The following IAH1 variants were observed in gnomAD, a reference collection of about 807,000 sequenced individuals.
IAH1 encodes the protein isoamyl acetate-hydrolyzing esterase 1 homolog.
Under a neutral mutation model 26.7 loss-of-function variants are expected in IAH1, and 24 were observed. The ratio of observed to expected loss-of-function variants is 0.90; its 90% CI spans 0.65 to 1.26. IAH1 has a LOEUF of 1.26. Among genes scored for constraint, IAH1 ranks in the 50% most tolerant of loss-of-function variants. The pLI is 0.00. For missense variants in IAH1, 300 were observed against 299.9 expected (o/e 1.00, Z 0.00); for synonymous variants, 140 against 118.5 (o/e 1.18, Z -1.18).
At position 9,476,056 on chromosome 2, in the gene IAH1, A is replaced by G. The variant is rs1350353657; in HGVS notation, c.134+17A>G. On this transcript the variant is annotated intron_variant, in intron 2 of 5. Transcript: ENST00000497473. ...GCTGGTCAGGTGAGAATGGTTTCCG[A>G]TACTTGAGTTCTTATGGATGGAAAA... The G allele has an allele frequency of 1.2e-6, 2 of 1,605,396 alleles. No individual in the cohort carries two copies. The highest frequency in any genetic ancestry group is 1.7e-6 in the Non-Finnish European group (2 of 1,172,722).
the IAH1 span, among the ~76,000 whole-genome samples, chr2:9,503,349 T>C: frequency 1.3e-5 from 2 of 152,086 alleles, no homozygotes; most frequent in Admixed American, 1.3e-4. Flanking sequence ...TCAGTGTATA[T>C]AAAAAATGAA....
intron 1 of IAH1, chr2:9,475,709 C>T (rs1018226007): frequency 1.5e-5 from 7 of 474,768 alleles, no homozygotes; most frequent in African/African-American, 5.9e-5. Context: ...CCATGTTGAC[C>T]AGGCTGGTCT....
At chr2:9,493,848 C>A (rs1051166977), downstream of IAH1, 5 of 1,581,282 alleles carry the variant, frequency 3.2e-6, no homozygotes, top group Middle Eastern at 6.6e-4. Context: ...AACATACATA[C>A]AGCATCATTC....
chr2:9,500,831 T>G (rs1662955641), downstream of IAH1, among the ~76,000 whole-genome samples: 3 of 152,104 alleles, frequency 2.0e-5, no homozygotes, highest in Non-Finnish European at 4.4e-5. Context: ...AAAGCAACAA[T>G]TGACCGAACA....
At chr2:9,494,743 C>T in exon 6 of IAH1, 2 of 1,614,094 alleles carry the variant, frequency 1.2e-6, no homozygotes, top group Non-Finnish European at 1.7e-6. Context: ...GTCCCTGCAG[C>T]ACACCTTGCA....
intron 2 of IAH1, among the ~76,000 whole-genome samples, chr2:9,477,796 C>T (rs1660909836): frequency 6.6e-6 from 1 of 151,930 alleles, no homozygotes; most frequent in Admixed American, 6.6e-5. Flanking sequence ...TAATCAAAAC[C>T]AGAAATCTCA....
chr2:9,492,536 G>A (rs1308383474), downstream of IAH1, among the ~76,000 whole-genome samples: 3 of 152,144 alleles, frequency 2.0e-5, no homozygotes, highest in African/African-American at 7.2e-5. Flanking sequence ...CATCTGAAAT[G>A]CCGATGTTTG....
the IAH1 span, among the ~76,000 whole-genome samples, chr2:9,511,892 A>T: frequency 6.6e-6 from 1 of 152,176 alleles, no homozygotes; most frequent in East Asian, 1.9e-4. Context: ...AATTGCTTGA[A>T]CCCAGGAGGC....
chr2:9,487,798 G>A (rs1264392953), intron 5 of IAH1, among the ~76,000 whole-genome samples: 1 of 85,302 alleles, frequency 1.2e-5, no homozygotes, highest in Non-Finnish European at 2.6e-5. Context: ...TTGTGTGTGT[G>A]TGTGTGTGTG....
chr2:9,487,823 T>C (rs991074857), intron 5 of IAH1, among the ~76,000 whole-genome samples: 44 of 97,410 alleles, frequency 4.5e-4, no homozygotes, highest in African/African-American at 1.5e-3. Flanking sequence ...TGTGTGTGTG[T>C]GTGTGTGTGT....
chr2:9,474,477 C>T, upstream of IAH1: 3 of 704,040 alleles, frequency 4.3e-6, no homozygotes, highest in Admixed American at 4.4e-5. This position sits in a 1 kb window ranked among gnomAD's most constrained non-coding sequence, Gnocchi z 4.3. Context: ...GCGTGGGTGC[C>T]CACGAGCCCG....
In IAH1 at chr2:9,484,527, T is replaced by TGGAC; in HGVS notation, c.542_545dup (p.Leu183AspfsTer25). 1 of 1,613,584 alleles carries TGGAC rather than the reference T, an allele frequency of 6.2e-7. No homozygotes were observed. The highest frequency in any genetic ancestry group is 8.5e-7 in the Non-Finnish European group (1 of 1,179,482). On this transcript the variant is annotated frameshift_variant, in exon 5 of 6. Coordinates refer to ENST00000497473, the MANE Select transcript of IAH1 (RefSeq NM_001039613.3). LOFTEE classifies it high-confidence loss of function. The stretch of plus-strand genomic sequence containing the variant: ...CTGTGGGACTGACGTACTTGACCTG[T>TGGAC]GGACCCTGATGCAGGACAGCCAGGT...
At chr2:9,476,816 T>G (rs1002968620) in intron 2 of IAH1, among the ~76,000 whole-genome samples, 4 of 152,208 alleles carry the variant, frequency 2.6e-5, no homozygotes, top group African/African-American at 7.2e-5. Context: ...ACTGGCTGTT[T>G]CACTCCTTTT....
the IAH1 span, among the ~76,000 whole-genome samples, chr2:9,511,659 T>C: frequency 6.6e-6 from 1 of 152,132 alleles, no homozygotes; most frequent in African/African-American, 2.4e-5. Context: ...TTTTTTTCCA[T>C]ATTTATCTGA....
At chr2:9,482,654 T>C (rs896712424) in intron 4 of IAH1, among the ~76,000 whole-genome samples, 1 of 152,230 alleles carries the variant, frequency 6.6e-6, no homozygotes, top group East Asian at 1.9e-4. Context: ...GCTCAAGTCC[T>C]TACTGTTGTA....
At chr2:9,484,002 T>C (rs374876540) in intron 4 of IAH1, among the ~76,000 whole-genome samples, 30 of 152,358 alleles carry the variant, frequency 2.0e-4, no homozygotes, top group Non-Finnish European at 3.8e-4. Flanking sequence ...AGCTGTTACA[T>C]GTAAGAAGCC....
At chr2:9,498,866 G>A (rs1662808428), downstream of IAH1, among the ~76,000 whole-genome samples, 1 of 152,182 alleles carries the variant, frequency 6.6e-6, no homozygotes, top group Non-Finnish European at 1.5e-5. Flanking sequence ...ACTAAAGTCA[G>A]AGTATTAGAC....
chr2:9,485,135 C>A (rs1302399106), intron 5 of IAH1: 2 of 152,532 alleles, frequency 1.3e-5, no homozygotes, highest in African/African-American at 4.8e-5. Flanking sequence ...CTGGGTGTAA[C>A]TGTTGACAGC....
chr2:9,511,411 T>C, the IAH1 span, among the ~76,000 whole-genome samples: 3 of 151,690 alleles, frequency 2.0e-5, no homozygotes, highest in Non-Finnish European at 2.9e-5. Flanking sequence ...GATCATGCCA[T>C]TGCACTCCAG....
Sources: gnomAD v4.1 joint callset for allele counts (sites outside exome capture counted in the v4.1 genomes callset) on GRCh38, gnomAD v4.1.1 for gene constraint, Gnocchi (gnomAD v3.1) non-coding constraint, MANE v1.5 for transcripts, NCBI Gene and HGNC (gene_info 2026-07-23, HGNC 2026-07-21) for gene names.